PCDHGA2: variants seen among roughly 807,000 people sequenced by gnomAD.
The protein encoded by PCDHGA2 is protocadherin gamma-A2.
A neutral mutation model predicts 59.2 loss-of-function variants in PCDHGA2; 40 were observed. The observed-to-expected ratio is 0.68, with a 90% confidence interval of 0.52 to 0.88. The LOEUF (loss-of-function observed/expected upper bound fraction) is 0.88. PCDHGA2 is among the 40% of genes least tolerant of loss of function. PCDHGA2 has a pLI of 0.00. For missense variants in PCDHGA2, 1,226 were observed against 1,204.0 expected, an observed-to-expected ratio of 1.02 and a Z score of -0.27; for synonymous variants, 560 against 526.0, an observed-to-expected ratio of 1.06 and a Z score of -0.89.
intron 1 of PCDHGA2, among the ~76,000 whole-genome samples, chr5:141,407,761 G>T (rs938743690): frequency 6.6e-6 from 1 of 152,132 alleles, no homozygotes; most frequent in Non-Finnish European, 1.5e-5. Context: ...GTATAAGTTT[G>T]AAATTGTGCA....
Position 141,494,815 on chromosome 5 carries a change from G to C in PCDHGA2, c.2433G>C (p.Pro811=). 6.2e-7 allele frequency: 1 copy of C among 1,613,976 alleles called. No individual in the cohort carries two copies. The highest frequency in any genetic ancestry group is 8.5e-7 in the Non-Finnish European group (1 of 1,179,982). Residue 811 remains proline, a synonymous_variant, in exon 2 of 4, where the codon CCG becomes CCC. Transcript: ENST00000394576. Reference sequence around the variant, plus strand: ...CTCTGTTTTCTCCACAGCAAGCCCCGCCCAACACGGACTGGCGTTTCTCTC... The same window carrying C: ...CTCTGTTTTCTCCACAGCAAGCCCCCCCCAACACGGACTGGCGTTTCTCTC... ...EREETFSQQA[P]PNTDWRFSQA...
rs1333419586 is a variant in PCDHGA2 at position 141,485,206 on chromosome 5, C to T, written c.2425-9601C>T. 1 of 1,614,116 alleles carries T rather than the reference C, an allele frequency of 6.2e-7. No individual in the cohort carries two copies. The highest frequency in any genetic ancestry group is 8.5e-7 in the Non-Finnish European group (1 of 1,179,946). ...GCAAGGTGAGAAGCTGGACAGAAAT[C>T]TGGCGGTGGGCTACCCTTTTGTTCC... On this transcript the variant is annotated intron_variant, in intron 1 of 3. Coordinates refer to ENST00000394576, the MANE Select transcript of PCDHGA2 (RefSeq NM_018915.4). The surrounding 1 kb of genome is among the most constrained non-coding windows in gnomAD (Gnocchi z 5.7).
intron 1 of PCDHGA2, among the ~76,000 whole-genome samples, chr5:141,456,668 T>G (rs2098874996): frequency 1.3e-5 from 2 of 152,254 alleles, no homozygotes; most frequent in Admixed American, 6.5e-5. Context: ...ATGTTTCATT[T>G]AAAAATGCAT....
At chr5:141,399,318 G>A (rs772027563) in intron 1 of PCDHGA2, 19 of 1,613,830 alleles carry the variant, frequency 1.2e-5, no homozygotes, top group East Asian at 4.5e-5. Context: ...CCAAAAATTC[G>A]TATAAGTTGG....
At chr5:141,457,125 C>T (rs1011977795) in intron 1 of PCDHGA2, among the ~76,000 whole-genome samples, 3 of 152,236 alleles carry the variant, frequency 2.0e-5, no homozygotes, top group Admixed American at 6.5e-5. Flanking sequence ...GCAATGGAAA[C>T]TCTGTCCAAT....
chr5:141,509,081 A>C (rs1279221589), intron 3 of PCDHGA2, among the ~76,000 whole-genome samples: 2 of 152,160 alleles, frequency 1.3e-5, no homozygotes, highest in Non-Finnish European at 2.9e-5. Flanking sequence ...GATTTGCGAC[A>C]TGAAATGGGG....
intron 1 of PCDHGA2, chr5:141,374,487 A>C: frequency 6.2e-7 from 1 of 1,611,648 alleles, no homozygotes; most frequent in Non-Finnish European, 8.5e-7. Flanking sequence ...CGATTCTTAA[A>C]GGAAGAATTG....
intron 1 of PCDHGA2, chr5:141,345,465 G>T: frequency 6.2e-7 from 1 of 1,614,000 alleles, no homozygotes; most frequent in Non-Finnish European, 8.5e-7. Context: ...GACAGCCCAG[G>T]ACCCAGATAG....
intron 1 of PCDHGA2, chr5:141,393,324 C>T: frequency 6.2e-7 from 1 of 1,611,210 alleles, no homozygotes; most frequent in Admixed American, 1.7e-5. Context: ...CCAGAGCTAC[C>T]AGCTCAGCCC....
intron 1 of PCDHGA2, among the ~76,000 whole-genome samples, chr5:141,370,010 TAAC>T (rs1460058955): frequency 6.6e-6 from 1 of 152,172 alleles, no homozygotes; most frequent in African/African-American, 2.4e-5. Context: ...TTAAAAGAAA[TAAC>T]AGACTAAAGA....
At chr5:141,450,190 G>A (rs1368992094) in intron 1 of PCDHGA2, among the ~76,000 whole-genome samples, 1 of 151,588 alleles carries the variant, frequency 6.6e-6, no homozygotes, top group African/African-American at 2.4e-5. Flanking sequence ...GCTAATTTTT[G>A]TATTTTTAGT....
chr5:141,352,171 C>A, intron 1 of PCDHGA2: 1 of 1,613,606 alleles, frequency 6.2e-7, no homozygotes, highest in South Asian at 1.1e-5. Flanking sequence ...CCCGCCAGCG[C>A]CTGCTGGTCG....
intron 1 of PCDHGA2, chr5:141,345,771 C>A: frequency 6.2e-7 from 1 of 1,614,170 alleles, no homozygotes; most frequent in African/African-American, 1.3e-5. Flanking sequence ...GCTGGCGCCT[C>A]GCTCCGCAGA....
At chr5:141,412,216 T>C (rs1247540521) in intron 1 of PCDHGA2, 1 of 152,244 alleles carries the variant, frequency 6.6e-6, no homozygotes, top group East Asian at 1.9e-4. Context: ...ACATAAACAC[T>C]TACTTGTTAA....
chr5:141,371,279 C>G lies in PCDHGA2; in HGVS notation c.2424+29884C>G, dbSNP rs1206885550. ...AAGTGAGACAACTGTTCAAGCTGGA[C>G]AGTAAAACGGGGGAACTCACCACTA... On this transcript the variant is annotated intron_variant, in intron 1 of 3. Transcript: ENST00000394576. 3 of 1,613,900 alleles carry G rather than the reference C, an allele frequency of 1.9e-6. No homozygotes were observed. In the African/African-American group the frequency reaches 4.0e-5, roughly 22 times the overall value.
At chr5:141,500,190 TTA>T (rs551092091) in intron 2 of PCDHGA2, among the ~76,000 whole-genome samples, 3 of 110,960 alleles carry the variant, frequency 2.7e-5, no homozygotes, top group Non-Finnish European at 3.9e-5. Context: ...TTATTTTTAT[TTA>T]TTTATTTATT....
intron 1 of PCDHGA2, chr5:141,375,175 A>C (rs1771211157): frequency 6.2e-7 from 1 of 1,614,024 alleles, no homozygotes; most frequent in Non-Finnish European, 8.5e-7. Flanking sequence ...CTCCAGGAAC[A>C]GTAATCGCCC....
chr5:141,340,589 C>A lies in PCDHGA2; in HGVS notation c.1618C>A (p.Pro540Thr), dbSNP rs774923694. Residue 540 changes from proline (P) to threonine (T), a missense_variant, in exon 1 of 4, where the codon CCT (proline) becomes ACT (threonine). Pro to Thr is a conservative substitution (Grantham distance 38). Transcript: ENST00000394576. ...GGTGATAGCGCGGGACAGCGGGAAC[C>A]CTCCACTCAGTAGCAATGTATCATT... ...VWVIARDSGN[P>T]PLSSNVSLSL... The A allele has an allele frequency of 1.9e-6, 3 of 1,614,254 alleles. No homozygotes were observed. Among genetic ancestry groups the A allele is most frequent in the Non-Finnish European group, 2.5e-6 (3 of 1,180,044 alleles).
intron 1 of PCDHGA2, chr5:141,400,391 C>T (rs1468153713): frequency 1.2e-6 from 2 of 1,614,076 alleles, no homozygotes; most frequent in Non-Finnish European, 1.7e-6. Flanking sequence ...GTTGCACATA[C>T]AGGAAAGACG....
Sources: gnomAD v4.1 joint callset for allele counts (sites outside exome capture counted in the v4.1 genomes callset) on GRCh38, gnomAD v4.1.1 for gene constraint, Gnocchi (gnomAD v3.1) non-coding constraint, MANE v1.5 for transcripts, NCBI Gene and HGNC (gene_info 2026-07-23, HGNC 2026-07-21) for gene names.